Variants in RASA3 observed in about 807,000 individuals in gnomAD.
RASA3 encodes RAS p21 protein activator 3, also known as ras GTPase-activating protein 3.
In RASA3, 73 loss-of-function variants were observed where a neutral mutation model predicts 110.0. The observed-to-expected ratio is 0.66, with a 90% CI of 0.55 to 0.81. RASA3 has a LOEUF of 0.81. Among genes scored for constraint, RASA3 ranks in the 30% least tolerant of loss-of-function variants. The pLI, the probability that RASA3 is intolerant of heterozygous loss-of-function variation, is 0.00. For synonymous variants in RASA3, 500 were observed against 451.4 expected (o/e 1.11, Z -1.37); for missense variants, 976 against 1,113.2 (o/e 0.88, Z 1.75).
chr13:114,087,856 G>A (rs1328143505), intron 1 of RASA3, among the ~76,000 whole-genome samples: 4 of 152,260 alleles, frequency 2.6e-5, no homozygotes, highest in Non-Finnish European at 4.4e-5. Context: ...TGAGCCGGGC[G>A]CGGTGGCTCT....
chr13:113,980,942 T>C (rs964937268), intron 23 of RASA3, among the ~76,000 whole-genome samples: 4 of 151,606 alleles, frequency 2.6e-5, no homozygotes, highest in African/African-American at 9.7e-5. Flanking sequence ...AGGATGGAAG[T>C]GAGGAGGAGG....
chr13:114,127,468 A>C (rs1009538461), intron 1 of RASA3, among the ~76,000 whole-genome samples: 1 of 152,080 alleles, frequency 6.6e-6, no homozygotes, highest in Non-Finnish European at 1.5e-5. Flanking sequence ...GCCACTGTCC[A>C]CCCACACAGA....
intron 5 of RASA3, among the ~76,000 whole-genome samples, chr13:114,029,332 G>A (rs74507634): frequency 1.4e-4 from 2 of 14,286 alleles, no homozygotes; most frequent in African/African-American, 1.5e-3. Context: ...CCTCTAAAAC[G>A]GCATCATCCT....
At chr13:114,002,548 C>T (rs986521229) in intron 18 of RASA3, among the ~76,000 whole-genome samples, 5 of 152,126 alleles carry the variant, frequency 3.3e-5, no homozygotes, top group African/African-American at 9.7e-5. Flanking sequence ...GGCAACAGGG[C>T]GCCTCTGAGA....
chr13:114,094,725 T>C (rs1430845424), intron 1 of RASA3, among the ~76,000 whole-genome samples: 4 of 152,254 alleles, frequency 2.6e-5, no homozygotes, highest in Admixed American at 2.6e-4. Context: ...AGAAAGGGTA[T>C]AAATAAATAC....
chr13:114,042,063 A>G (rs1566517458), intron 3 of RASA3, among the ~76,000 whole-genome samples: 1 of 152,260 alleles, frequency 6.6e-6, no homozygotes, highest in Non-Finnish European at 1.5e-5. Context: ...TATTTGTACA[A>G]TATACGTTTA....
chr13:114,050,791 C>T (rs1358128870), intron 3 of RASA3, among the ~76,000 whole-genome samples: 3 of 152,248 alleles, frequency 2.0e-5, no homozygotes, highest in Non-Finnish European at 4.4e-5. Flanking sequence ...CACTAGCTGC[C>T]GGCCGCCCAG....
intron 1 of RASA3, among the ~76,000 whole-genome samples, chr13:114,128,658 C>A (rs1002120452): frequency 1.3e-5 from 2 of 152,256 alleles, no homozygotes; most frequent in African/African-American, 4.8e-5. Context: ...CAGGCACCAG[C>A]GGTTCAATGT....
chr13:114,028,327 G>A (rs9742980), intron 5 of RASA3, among the ~76,000 whole-genome samples: 81,845 of 124,982 alleles, frequency 0.65, 27,058 homozygotes, highest in African/African-American at 0.81. Flanking sequence ...CTAAAACAGC[G>A]TCATCCTGGG....
rs1431250502 is a variant in RASA3, at chr13:114,107,462, T to C, written c.55+24973A>G. Reference sequence around the variant, plus strand: ...GCATCTCCTCCTGCAGGGGAAGCTGTCTGTTCACCCAGGTGCCTGTCCTGT... The same window carrying C: ...GCATCTCCTCCTGCAGGGGAAGCTGCCTGTTCACCCAGGTGCCTGTCCTGT... On this transcript the variant is annotated intron_variant, in intron 1 of 23. Transcript: ENST00000334062. The C allele has an allele frequency of 3.3e-5, 5 of 152,672 alleles. No homozygotes were observed. The East Asian group carries it at 7.7e-4, about 24-fold the overall frequency. 9.5% of individuals were successfully genotyped at this position (152,672 alleles called of 1,614,324 possible). A position where few individuals can be genotyped will look rare whatever the true frequency, so the allele number is the denominator to read the frequency against.
intron 12 of RASA3, 90 bp from the exon 13 acceptor site, chr13:114,016,361 T>C (rs1160066084): frequency 1.0e-6 from 1 of 988,582 alleles, no homozygotes; most frequent in Non-Finnish European, 1.6e-6. Flanking sequence ...GGCTGAGATG[T>C]AGACCCTGAG....
chr13:114,043,299 C>T (rs565645053), intron 3 of RASA3, among the ~76,000 whole-genome samples: 25 of 152,302 alleles, frequency 1.6e-4, no homozygotes, highest in South Asian at 6.2e-4. Flanking sequence ...AGGAGAGAGA[C>T]GGAATCAGGA....
At chr13:114,061,000 C>G (rs2079334610) in intron 2 of RASA3, among the ~76,000 whole-genome samples, 3 of 151,688 alleles carry the variant, frequency 2.0e-5, no homozygotes, top group Admixed American at 1.3e-4. Flanking sequence ...CGGAGCCCCC[C>G]ACAGCCGGCA....
intron 22 of RASA3, among the ~76,000 whole-genome samples, chr13:113,991,948 C>G (rs1454312040): frequency 1.3e-5 from 2 of 149,040 alleles, no homozygotes; most frequent in African/African-American, 5.1e-5. Flanking sequence ...TACATTCACA[C>G]ACACTCACAC....
intron 12 of RASA3, 63 bp downstream of exon 12, chr13:114,017,174 C>T (rs2053811792): frequency 1.4e-6 from 2 of 1,449,390 alleles, no homozygotes; most frequent in African/African-American, 2.8e-5. Context: ...AGTGCAGTGC[C>T]CTCTGTTGGG....
intron 2 of RASA3, among the ~76,000 whole-genome samples, chr13:114,061,215 C>G (rs1309400446): frequency 6.6e-6 from 1 of 152,184 alleles, no homozygotes; most frequent in East Asian, 1.9e-4. Flanking sequence ...CCGCCACGGC[C>G]GGGGACGCTG....
In RASA3 at chr13:114,007,575, C is replaced by G. The variant is rs1566469596; in HGVS notation, c.1700G>C (p.Arg567Thr). The change falls in exon 18 of 24, where the codon AGA (arginine) becomes ACA (threonine). Residue 567 changes from arginine (R) to threonine (T), a missense_variant. By Grantham distance (71) the Arg-to-Thr change is moderately conservative. Transcript: ENST00000334062. ...GGGCTGCTCAACACTCTTGGGGTCT[C>G]TTCTCCCCGAGGACGAAATCAGATC... Reference protein sequence around the residue: ...FLDLISSSGRRDPKSVEQPIV... With the variant: ...FLDLISSSGRTDPKSVEQPIV... 6.2e-7 allele frequency: 1 copy of G among 1,613,572 alleles called. No homozygotes were observed. The highest frequency in any genetic ancestry group is 2.2e-5 in the East Asian group (1 of 44,880).
intron 1 of RASA3, among the ~76,000 whole-genome samples, chr13:114,092,277 T>C (rs1233245058): frequency 6.6e-6 from 1 of 152,216 alleles, no homozygotes; most frequent in African/African-American, 2.4e-5. Flanking sequence ...GAAGTCTTTC[T>C]ACTTCTATGA....
At chr13:114,055,808 C>T (rs1397897892) in intron 2 of RASA3, among the ~76,000 whole-genome samples, 1 of 135,990 alleles carries the variant, frequency 7.4e-6, no homozygotes, top group Non-Finnish European at 1.7e-5. Context: ...TGGCAGGTGC[C>T]CAGGCTGTCC....
Sources: gnomAD v4.1 joint callset for allele counts (sites outside exome capture counted in the v4.1 genomes callset) on GRCh38, gnomAD v4.1.1 for gene constraint, MANE v1.5 for transcripts, NCBI Gene and HGNC (gene_info 2026-07-23, HGNC 2026-07-21) for gene names.